The following SGPL1 variants were observed in gnomAD, a reference collection of about 807,000 sequenced individuals.
SGPL1 encodes sphingosine-1-phosphate lyase 1, also known as SP-lyase 1.
SGPL1 carries 37 observed loss-of-function variants against 68.9 expected under a neutral mutation model. That is an observed-to-expected ratio of 0.54 (90% CI 0.41 to 0.71). The LOEUF (loss-of-function observed/expected upper bound fraction) is 0.71, where lower values mean the gene tolerates loss of function less well. Ranked by LOEUF, SGPL1 falls within the 30% of genes least tolerant of loss-of-function variation. The probability of loss-of-function intolerance (pLI) is 0.00; values close to 1 mark genes in which losing one functional copy is unlikely to be tolerated. For missense variants in SGPL1, 551 were observed against 704.6 expected, an observed-to-expected ratio of 0.78 and a Z score of 2.47; for synonymous variants, 236 against 248.5, an observed-to-expected ratio of 0.95 and a Z score of 0.47.
chr10:70,836,366 T>G (rs1434987339), intron 2 of SGPL1, among the ~76,000 whole-genome samples: 1 of 152,214 alleles, frequency 6.6e-6, no homozygotes, highest in Non-Finnish European at 1.5e-5. Flanking sequence ...TCCAATATCT[T>G]GTGGAATTCA....
intron 3 of SGPL1, among the ~76,000 whole-genome samples, chr10:70,845,411 G>T (rs1237987818): frequency 6.6e-6 from 1 of 152,132 alleles, no homozygotes; most frequent in Non-Finnish European, 1.5e-5. Flanking sequence ...AGGCTGTGGG[G>T]ATATCTGCAC....
At chr10:70,856,368 T>C (rs1006480959) in intron 5 of SGPL1, among the ~76,000 whole-genome samples, 1 of 152,200 alleles carries the variant, frequency 6.6e-6, no homozygotes, top group African/African-American at 2.4e-5. Context: ...AAATTTGATA[T>C]AGTCTAGGAT....
intron 4 of SGPL1, among the ~76,000 whole-genome samples, chr10:70,852,821 C>G (rs1845909073): frequency 6.6e-6 from 1 of 152,194 alleles, no homozygotes; most frequent in Admixed American, 6.5e-5. Flanking sequence ...TTTCTGGGTG[C>G]TGGGGATATG....
chr10:70,876,758 G>T, intron 14 of SGPL1, 97 bp downstream of exon 14: 1 of 1,060,162 alleles, frequency 9.4e-7, no homozygotes, highest in Non-Finnish European at 1.4e-6. Context: ...TCCTGCCTCT[G>T]CCCCTTTGCC....
chr10:70,847,829 T>C (rs2131890859), intron 3 of SGPL1, among the ~76,000 whole-genome samples: 1 of 152,344 alleles, frequency 6.6e-6, no homozygotes, highest in Non-Finnish European at 1.5e-5. Context: ...AATCAAGTTA[T>C]TTTTAGTTAC....
At chr10:70,818,706 A>G (rs906597466) in intron 2 of SGPL1, among the ~76,000 whole-genome samples, 96 of 152,232 alleles carry the variant, frequency 6.3e-4, no homozygotes, top group African/African-American at 2.2e-3. Context: ...TGTGAGAGAC[A>G]TAGATGAATA....
chr10:70,839,014 G>T lies in SGPL1; in HGVS notation c.28-5459G>T, dbSNP rs548342713. On this transcript the variant is annotated intron_variant, in intron 2 of 14. Transcript: ENST00000373202. ...GCCTTCTGCTGTTGGGTACATTCAT[G>T]AAAAGGTCTTGCATCCTTAAAGTGA... Among the ~76,000 whole-genome samples the T allele has an allele frequency of 5.0e-4, 76 of 152,288 alleles. No homozygotes were observed. In the South Asian group the frequency reaches 0.016, roughly 31 times the overall value.
At chr10:70,851,047 A>C in intron 3 of SGPL1, 96 bp from the exon 4 acceptor site, 2 of 901,708 alleles carry the variant, frequency 2.2e-6, no homozygotes, top group South Asian at 3.0e-5. Flanking sequence ...TGCAATTGGA[A>C]GGCAAGTGAG....
At chr10:70,854,446 A>G (rs1049800333) in intron 4 of SGPL1, among the ~76,000 whole-genome samples, 9 of 152,136 alleles carry the variant, frequency 5.9e-5, no homozygotes, top group Admixed American at 4.6e-4. Flanking sequence ...AAGAGCTGTG[A>G]TAATAGGTGT....
At position 70,877,502 on chromosome 10, in the gene SGPL1, C is replaced by G; in HGVS notation, c.*167C>G. Reference sequence around the variant, plus strand: ...GGATTCTTGTTCTTCCTCTTATCTTCCTTTTGTGGTTTTTAATTTGAAGAC... The same window carrying G: ...GGATTCTTGTTCTTCCTCTTATCTTGCTTTTGTGGTTTTTAATTTGAAGAC... On this transcript the variant is annotated 3_prime_UTR_variant, in exon 15 of 15. Transcript: ENST00000373202. The G allele has an allele frequency of 1.8e-6, 1 of 559,198 alleles. No individual in the cohort carries two copies. The highest frequency in any genetic ancestry group is 3.6e-5 in the South Asian group (1 of 27,896). 34.6% of individuals were successfully genotyped at this position (559,198 alleles called of 1,614,324 possible). A position where few individuals can be genotyped will look rare whatever the true frequency, so the allele number is the denominator to read the frequency against.
rs199610765 is a variant in SGPL1 at position 70,863,298 on chromosome 10, T to TG, written c.615+3799_615+3800insG. Among the ~76,000 whole-genome samples the TG allele has an allele frequency of 7.5e-3, 1,121 of 150,066 alleles. 6 individuals carry two copies. Among genetic ancestry groups the TG allele is most frequent in the Non-Finnish European group, 0.012 (825 of 67,644 alleles). On this transcript the variant is annotated intron_variant, in intron 7 of 14. Coordinates refer to ENST00000373202, the MANE Select transcript of SGPL1 (RefSeq NM_003901.4). ...CACCACGCTTGGCCGTCTTTTTTTT[T>TG]TTTTTTTTTTTTTAATCTGCTTGGT...
At chr10:70,842,613 G>A (rs1035535486) in intron 2 of SGPL1, among the ~76,000 whole-genome samples, 2 of 151,744 alleles carry the variant, frequency 1.3e-5, no homozygotes, top group African/African-American at 4.8e-5. Context: ...AAGAAAGAGA[G>A]TGGGGGGAGG....
At chr10:70,873,327 T>A in intron 11 of SGPL1, 24 bp from the exon 12 acceptor site, 1 of 1,564,700 alleles carries the variant, frequency 6.4e-7, no homozygotes, top group Non-Finnish European at 8.8e-7. Context: ...CTCTCACTTT[T>A]CTTGTCTGCT....
At chr10:70,867,908 G>C (rs903546710) in intron 7 of SGPL1, among the ~76,000 whole-genome samples, 19 of 152,190 alleles carry the variant, frequency 1.2e-4, no homozygotes, top group African/African-American at 4.1e-4. Flanking sequence ...TGTTAAATCT[G>C]AATGTCTCTT....
intron 7 of SGPL1, among the ~76,000 whole-genome samples, chr10:70,863,744 T>G (rs574209675): frequency 2.6e-5 from 4 of 152,206 alleles, no homozygotes; most frequent in Non-Finnish European, 5.9e-5. Context: ...CTTGAAAGAT[T>G]GCTATTTTTC....
intron 7 of SGPL1, among the ~76,000 whole-genome samples, chr10:70,863,987 A>G (rs1846130616): frequency 6.6e-6 from 1 of 151,760 alleles, no homozygotes; most frequent in Non-Finnish European, 1.5e-5. Context: ...TAGTTTTGCC[A>G]CTCACTTATC....
At chr10:70,834,394 AT>A (rs1267660268) in intron 2 of SGPL1, among the ~76,000 whole-genome samples, 2 of 152,196 alleles carry the variant, frequency 1.3e-5, no homozygotes, top group Non-Finnish European at 2.9e-5. Flanking sequence ...GGGAAGGCAC[AT>A]TTTGGTATTA....
At position 70,877,289 on chromosome 10, in the gene SGPL1, C is replaced by G. The variant is rs202175140; in HGVS notation, c.1661C>G (p.Thr554Ser). The G allele has an allele frequency of 3.1e-6, 5 of 1,614,196 alleles. No homozygotes were observed. The African/African-American group carries it at 5.3e-5, about 17-fold the overall frequency. The change falls in exon 15 of 15, where the codon ACT (threonine) becomes AGT (serine). Residue 554 changes from threonine (T) to serine (S), a missense_variant. By Grantham distance (58) the Thr-to-Ser change is moderately conservative (BLOSUM62 1). Transcript: ENST00000373202. ...TTGGACAGCTTGTACAGCACCGACA[C>G]TGTCACCCAGGGCAGCCAGATGAAT... ...VFLDSLYSTD[T>S]VTQGSQMNGS...
At chr10:70,875,903 G>T (rs1038393286) in intron 13 of SGPL1, among the ~76,000 whole-genome samples, 1 of 152,206 alleles carries the variant, frequency 6.6e-6, no homozygotes, top group Admixed American at 6.5e-5. Flanking sequence ...ATCTTCCTGG[G>T]GGTCTCTAAT....
Sources: gnomAD v4.1 joint callset for allele counts (sites outside exome capture counted in the v4.1 genomes callset) on GRCh38, gnomAD v4.1.1 for gene constraint, MANE v1.5 for transcripts, NCBI Gene and HGNC (gene_info 2026-07-23, HGNC 2026-07-21) for gene names.